ELOVL6: variants seen among roughly 807,000 people sequenced by gnomAD.
ELOVL6 encodes very long chain fatty acid elongase 6.
A neutral mutation model predicts 31.7 loss-of-function variants in ELOVL6; 8 were observed. That is an observed-to-expected ratio of 0.25 (90% CI 0.15 to 0.45). The LOEUF is 0.45. ELOVL6 is among the 20% of genes least tolerant of loss of function. ELOVL6 has a pLI of 1.00. For missense variants in ELOVL6, 126 were observed against 326.4 expected (o/e 0.39, Z 4.73); for synonymous variants, 101 against 117.7 (o/e 0.86, Z 0.92).
chr4:110,112,641 G>A (rs4698811), intron 1 of ELOVL6, among the ~76,000 whole-genome samples: 42,316 of 151,882 alleles, frequency 0.28, 6,137 homozygotes, highest in East Asian at 0.43. Context: ...GGGAGGCTGA[G>A]GGGGGTGGAT....
chr4:110,112,355 C>T (rs1024461407), intron 1 of ELOVL6, among the ~76,000 whole-genome samples: 33 of 152,186 alleles, frequency 2.2e-4, no homozygotes, highest in Middle Eastern at 3.2e-3. Flanking sequence ...TAAAAGATAG[C>T]AAACCGCTAG....
intron 1 of ELOVL6, among the ~76,000 whole-genome samples, chr4:110,108,479 C>A (rs10018930): frequency 0.34 from 51,040 of 152,026 alleles, 9,474 homozygotes; most frequent in East Asian, 0.71. Context: ...CCAGCAAGGG[C>A]CATTCACTTT....
rs548395351 is a variant in ELOVL6, at chr4:110,188,195, G to T, written c.89+10052C>A. 1.9e-4 allele frequency among the ~76,000 whole-genome samples: 29 copies of T among 152,280 alleles called. 1 individual carries two copies. The South Asian group carries it at 3.9e-3, about 21-fold the overall frequency. ...CCCAGGGTCTAGAACCAAGCTGAGT[G>T]CAAGAAATTAATATCACAGAGCAGA... On this transcript the variant is annotated intron_variant, in intron 1 of 3. Coordinates refer to ENST00000302274, the MANE Select transcript of ELOVL6 (RefSeq NM_024090.3).
intron 1 of ELOVL6, among the ~76,000 whole-genome samples, chr4:110,140,685 GA>G (rs1757928494): frequency 6.6e-6 from 1 of 151,784 alleles, no homozygotes; most frequent in African/African-American, 2.4e-5. Context: ...AAGTCTAAAT[GA>G]TATTAAGCTT....
At chr4:110,154,870 C>A (rs1405675429) in intron 1 of ELOVL6, among the ~76,000 whole-genome samples, 1 of 152,152 alleles carries the variant, frequency 6.6e-6, no homozygotes, top group Non-Finnish European at 1.5e-5. Context: ...AATGCTAGGT[C>A]AAAAATGTGC....
intron 1 of ELOVL6, among the ~76,000 whole-genome samples, chr4:110,190,990 T>C (rs1339287456): frequency 6.6e-6 from 1 of 152,010 alleles, no homozygotes; most frequent in Non-Finnish European, 1.5e-5. Flanking sequence ...AGCTAATTTT[T>C]GTATTTTTTG....
At chr4:110,091,999 A>G (rs568147383) in intron 2 of ELOVL6, among the ~76,000 whole-genome samples, 6 of 152,328 alleles carry the variant, frequency 3.9e-5, no homozygotes, top group Admixed American at 3.3e-4. Context: ...TCCAGCCAGC[A>G]TAACAATTTA....
intron 1 of ELOVL6, among the ~76,000 whole-genome samples, chr4:110,111,966 G>A (rs913671893): frequency 6.6e-6 from 1 of 152,190 alleles, no homozygotes; most frequent in African/African-American, 2.4e-5. Context: ...TTAAAGTACA[G>A]GACTGAAATG....
rs1275021343 is a variant in ELOVL6 at position 110,105,532 on chromosome 4, T to A, written c.186A>T (p.Pro62=). ...CAAGGGTCAGAGACCAGAGCACTAA[T>A]GGCTTCCTCAGTTCAAACTTTGCTC... The part of the protein sequence containing the change: ...NKRAKFELRK[P]LVLWSLTLAV... Residue 62 remains proline, a synonymous_variant, in exon 2 of 4, where the codon CCA becomes CCT. Transcript: ENST00000302274. 6.2e-7 allele frequency: 1 copy of A among 1,613,826 alleles called. No homozygotes were observed. Among genetic ancestry groups the A allele is most frequent in the East Asian group, 2.2e-5 (1 of 44,856 alleles).
At chr4:110,182,037 C>A (rs561878362) in intron 1 of ELOVL6, among the ~76,000 whole-genome samples, 1 of 152,278 alleles carries the variant, frequency 6.6e-6, no homozygotes, top group Admixed American at 6.5e-5. Flanking sequence ...GCCACAAGGT[C>A]CCTGAGCCAA....
chr4:110,101,459 T>C (rs1021125), intron 2 of ELOVL6, among the ~76,000 whole-genome samples: 12,447 of 150,806 alleles, frequency 0.083, 670 homozygotes, highest in South Asian at 0.12. Flanking sequence ...AGATTAGATA[T>C]GAACATGTGT....
At chr4:110,196,612 G>A (rs985463431) in intron 1 of ELOVL6, among the ~76,000 whole-genome samples, 2 of 152,218 alleles carry the variant, frequency 1.3e-5, no homozygotes, top group African/African-American at 4.8e-5. Flanking sequence ...AGCGGCCCGG[G>A]AGGGCACCAG....
In ELOVL6 at chr4:110,135,295, C is replaced by G. The variant is rs140064802; in HGVS notation, c.90-29667G>C. On this transcript the variant is annotated intron_variant, in intron 1 of 3. Transcript: ENST00000302274. ...TCCTTTCCTCTTCACACTAACTTCA[C>G]TAGGTATGTGTACCATCCCCCATTT... Among the ~76,000 whole-genome samples the G allele has an allele frequency of 3.9e-4, 59 of 152,298 alleles. No homozygotes were observed. In the East Asian group the frequency reaches 0.011, roughly 28 times the overall value.
At chr4:110,079,345 G>C (rs1676410599) in intron 2 of ELOVL6, among the ~76,000 whole-genome samples, 1 of 152,126 alleles carries the variant, frequency 6.6e-6, no homozygotes, top group African/African-American at 2.4e-5. Flanking sequence ...TGGAAGTAAA[G>C]CTCTCCTCAG....
intron 1 of ELOVL6, among the ~76,000 whole-genome samples, chr4:110,159,620 C>T (rs778836881): frequency 6.6e-6 from 1 of 152,228 alleles, no homozygotes; most frequent in Non-Finnish European, 1.5e-5. Flanking sequence ...ATTTTAAAAA[C>T]TATCGTGCAT....
chr4:110,054,066 A>T (rs746256328), intron 3 of ELOVL6, among the ~76,000 whole-genome samples: 1 of 152,112 alleles, frequency 6.6e-6, no homozygotes, highest in African/African-American at 2.4e-5. Flanking sequence ...ATGCCATTGC[A>T]CTCTAGGCCT....
intron 1 of ELOVL6, among the ~76,000 whole-genome samples, chr4:110,170,838 C>T (rs1020793597): frequency 6.6e-6 from 1 of 152,178 alleles, no homozygotes; most frequent in Admixed American, 6.5e-5. Context: ...TGGCTCGCAA[C>T]TCCCACAGCC....
At chr4:110,119,728 CT>C (rs1460250225) in intron 1 of ELOVL6, among the ~76,000 whole-genome samples, 2 of 152,122 alleles carry the variant, frequency 1.3e-5, no homozygotes, top group African/African-American at 4.8e-5. Context: ...AAAGAAAGAC[CT>C]TTTGGGGAAA....
intron 1 of ELOVL6, among the ~76,000 whole-genome samples, chr4:110,142,784 T>G (rs1758001201): frequency 6.6e-6 from 1 of 152,246 alleles, no homozygotes; most frequent in South Asian, 2.1e-4. Flanking sequence ...TTGTTGGCTA[T>G]GCTGCCATTT....
Sources: allele counts gnomAD v4.1 joint callset (sites outside exome capture counted in the v4.1 genomes callset), GRCh38; gene constraint gnomAD v4.1.1; transcripts MANE v1.5; gene names NCBI Gene and HGNC (gene_info 2026-07-23, HGNC 2026-07-21).